AIG1: variants seen among roughly 807,000 people sequenced by gnomAD.
AIG1 encodes androgen induced 1.
AIG1 carries 23 observed loss-of-function variants against 31.4 expected under a neutral mutation model. The observed-to-expected ratio is 0.73, with a 90% CI of 0.53 to 1.04. AIG1 has a LOEUF of 1.04. Ranked by LOEUF, AIG1 falls within the 50% of genes least tolerant of loss-of-function variation. The pLI, the probability that AIG1 is intolerant of heterozygous loss-of-function variation, is 0.00. For missense variants in AIG1, 274 were observed against 295.0 expected, an observed-to-expected ratio of 0.93 and a Z score of 0.52; for synonymous variants, 100 against 110.5, an observed-to-expected ratio of 0.90 and a Z score of 0.60.
intron 3 of AIG1, among the ~76,000 whole-genome samples, chr6:143,276,604 C>T (rs1484472943): frequency 6.6e-6 from 1 of 152,074 alleles, no homozygotes; most frequent in East Asian, 1.9e-4. Context: ...GCACTGGGCG[C>T]TGGGGAGAGG....
rs1394982494 is a variant in AIG1, at chr6:143,284,473, A to C, written c.515+248A>C. On this transcript the variant is annotated intron_variant, in intron 4 of 5. Coordinates refer to ENST00000357847, the MANE Select transcript of AIG1 (RefSeq NM_016108.4). This position sits in a 1 kb window ranked among gnomAD's most constrained non-coding sequence, Gnocchi z 4.4. The stretch of plus-strand genomic sequence containing the variant: ...TGGTTCTTCCAAGGCTACATTTTTC[A>C]ACTCTTTTTCAAACTAAATGTTTTT... Among the ~76,000 whole-genome samples, 1 of 152,180 alleles carries C rather than the reference A, an allele frequency of 6.6e-6. No individual in the cohort carries two copies. Among genetic ancestry groups the C allele is most frequent in the African/African-American group, 2.4e-5 (1 of 41,452 alleles).
intron 1 of AIG1, among the ~76,000 whole-genome samples, chr6:143,077,184 A>G (rs1177685514): frequency 6.6e-6 from 1 of 152,120 alleles, no homozygotes; most frequent in Non-Finnish European, 1.5e-5. Flanking sequence ...TTATATCTAC[A>G]TGACTTGAGA....
intron 3 of AIG1, among the ~76,000 whole-genome samples, chr6:143,272,174 G>T (rs1263215756): frequency 6.6e-6 from 1 of 152,090 alleles, no homozygotes; most frequent in Non-Finnish European, 1.5e-5. Flanking sequence ...CCATCATGTA[G>T]GTATGCAGTG....
chr6:143,228,910 G>T (rs1793221690), intron 3 of AIG1, among the ~76,000 whole-genome samples: 1 of 152,176 alleles, frequency 6.6e-6, no homozygotes, highest in Non-Finnish European at 1.5e-5. Context: ...AAAGGCAAAG[G>T]TTGCTTTTGT....
chr6:143,237,838 G>A (rs746075976), intron 3 of AIG1, among the ~76,000 whole-genome samples: 5 of 152,294 alleles, frequency 3.3e-5, no homozygotes, highest in Non-Finnish European at 5.9e-5. Flanking sequence ...GCTTGAAAAC[G>A]TAGAAGTCTG....
intron 3 of AIG1, among the ~76,000 whole-genome samples, chr6:143,243,154 T>C (rs1373866964): frequency 6.6e-6 from 1 of 152,202 alleles, no homozygotes; most frequent in Non-Finnish European, 1.5e-5. Flanking sequence ...AAAAAATCCT[T>C]GGTCCAACTT....
chr6:143,192,685 A>G (rs891358956), intron 3 of AIG1, among the ~76,000 whole-genome samples: 2 of 151,972 alleles, frequency 1.3e-5, no homozygotes, highest in Non-Finnish European at 2.9e-5. Flanking sequence ...GCTCCTCACT[A>G]TTTATGCTAG....
At chr6:143,188,019 T>G (rs1350924874) in intron 3 of AIG1, 6 of 1,105,068 alleles carry the variant, frequency 5.4e-6, no homozygotes, top group Non-Finnish European at 6.6e-6. Context: ...CATACCACTT[T>G]TGTTTCTTTT....
intron 3 of AIG1, among the ~76,000 whole-genome samples, chr6:143,183,712 G>A (rs914318334): frequency 3.3e-5 from 5 of 152,176 alleles, no homozygotes; most frequent in African/African-American, 9.7e-5. Flanking sequence ...AAAACCCAGA[G>A]TGTGGTTTAC....
intron 3 of AIG1, among the ~76,000 whole-genome samples, chr6:143,179,841 A>G (rs1788556364): frequency 6.6e-6 from 1 of 152,250 alleles, no homozygotes; most frequent in Admixed American, 6.5e-5. Context: ...CATATACAAT[A>G]TAGCACATTT....
intron 3 of AIG1, among the ~76,000 whole-genome samples, chr6:143,244,610 G>A (rs1794479613): frequency 6.6e-6 from 1 of 152,190 alleles, no homozygotes; most frequent in Non-Finnish European, 1.5e-5. Flanking sequence ...ATAGCAAAGA[G>A]AAGGCTTTCA....
chr6:143,173,790 T>C (rs963246028), intron 3 of AIG1, among the ~76,000 whole-genome samples: 6 of 152,168 alleles, frequency 3.9e-5, no homozygotes, highest in Non-Finnish European at 8.8e-5. Flanking sequence ...TGTTGAGACT[T>C]GTTTTGTGGC....
chr6:143,100,208 A>C (rs1299028675), intron 1 of AIG1, among the ~76,000 whole-genome samples: 2 of 151,910 alleles, frequency 1.3e-5, no homozygotes, highest in East Asian at 3.9e-4. Context: ...CAGTGTTTCT[A>C]CTCTATTCTT....
chr6:143,060,145 A>C (rs184861638), upstream of AIG1, among the ~76,000 whole-genome samples: 2 of 152,320 alleles, frequency 1.3e-5, no homozygotes, highest in African/African-American at 4.8e-5. Flanking sequence ...TCCAAAGTTC[A>C]TATTCTAGCT....
chr6:143,112,452 A>G (rs1157425962), intron 1 of AIG1, among the ~76,000 whole-genome samples: 5 of 152,192 alleles, frequency 3.3e-5, no homozygotes, highest in African/African-American at 1.2e-4. Context: ...TCACGTTTGT[A>G]TCCTCCCTCT....
At chr6:143,150,254 T>C (rs1162940501) in intron 2 of AIG1, among the ~76,000 whole-genome samples, 2 of 152,238 alleles carry the variant, frequency 1.3e-5, no homozygotes, top group African/African-American at 4.8e-5. Flanking sequence ...GTAATTAATC[T>C]TGGCTGTTTG....
At chr6:143,167,582 T>C (rs1274185266) in intron 3 of AIG1, among the ~76,000 whole-genome samples, 1 of 152,222 alleles carries the variant, frequency 6.6e-6, no homozygotes, top group Admixed American at 6.5e-5. Context: ...TCTAAATTTT[T>C]AATGTTTTGA....
intron 5 of AIG1, among the ~76,000 whole-genome samples, chr6:143,337,213 T>C (rs1777562459): frequency 6.6e-6 from 1 of 152,216 alleles, no homozygotes; most frequent in Non-Finnish European, 1.5e-5. Flanking sequence ...TTTCAGTCCA[T>C]GCTGTCAATG....
At chr6:143,100,381 C>T (rs1480118024) in intron 1 of AIG1, among the ~76,000 whole-genome samples, 1 of 152,064 alleles carries the variant, frequency 6.6e-6, no homozygotes, top group Non-Finnish European at 1.5e-5. Context: ...ACGATTTTGT[C>T]TTAATGTGTT....
Sources: allele counts gnomAD v4.1 joint callset (sites outside exome capture counted in the v4.1 genomes callset), GRCh38; gene constraint gnomAD v4.1.1; non-coding constraint Gnocchi (gnomAD v3.1); transcripts MANE v1.5; gene names NCBI Gene and HGNC (gene_info 2026-07-23, HGNC 2026-07-21).